The following PHLDB2 variants were observed in gnomAD, a reference collection of about 807,000 sequenced individuals.
PHLDB2 encodes the protein pleckstrin homology-like domain family B member 2.
PHLDB2 carries 71 observed loss-of-function variants against 123.6 expected under a neutral mutation model. The ratio of observed to expected loss-of-function variants is 0.57; its 90% CI spans 0.47 to 0.70. The LOEUF is 0.70. Ranked by LOEUF, PHLDB2 falls within the 30% of genes least tolerant of loss-of-function variation. PHLDB2 has a pLI of 0.00. For synonymous variants in PHLDB2, 547 were observed against 541.6 expected (o/e 1.01, Z -0.14); for missense variants, 1,446 against 1,519.5 (o/e 0.95, Z 0.80).
At chr3:111,962,361 G>T (rs2071454880) in intron 13 of PHLDB2, 49 bp downstream of exon 13, 2 of 1,549,972 alleles carry the variant, frequency 1.3e-6, no homozygotes, top group Non-Finnish European at 1.7e-6. Context: ...AGAGCCTACT[G>T]CTCACAAAAA....
chr3:111,772,268 G>A (rs1208374527), intron 1 of PHLDB2, among the ~76,000 whole-genome samples: 1 of 152,058 alleles, frequency 6.6e-6, no homozygotes, highest in Non-Finnish European at 1.5e-5. Flanking sequence ...ATTTTCCAAT[G>A]TGCCCTTGGA....
At chr3:111,768,945 T>C (rs2060128304) in intron 1 of PHLDB2, among the ~76,000 whole-genome samples, 1 of 152,202 alleles carries the variant, frequency 6.6e-6, no homozygotes, top group Admixed American at 6.5e-5. Context: ...AGCCCACTGG[T>C]TGCCAATGAG....
intron 13 of PHLDB2, 43 bp downstream of exon 13, chr3:111,962,355 C>G: frequency 6.4e-7 from 1 of 1,556,824 alleles, no homozygotes; most frequent in South Asian, 1.2e-5. Flanking sequence ...TGGAAAAGAG[C>G]CTACTGCTCA....
chr3:111,793,743 G>A (rs12491977), intron 1 of PHLDB2, among the ~76,000 whole-genome samples: 15,766 of 151,440 alleles, frequency 0.1, 1,470 homozygotes, highest in East Asian at 0.4. Flanking sequence ...GAATCCTTCC[G>A]GAACTGGATT....
chr3:111,860,361 C>T (rs939979507), intron 1 of PHLDB2, among the ~76,000 whole-genome samples: 1 of 152,324 alleles, frequency 6.6e-6, no homozygotes, highest in South Asian at 2.1e-4. Context: ...TTTGACCCCC[C>T]ACTGAAAGTT....
intron 1 of PHLDB2, among the ~76,000 whole-genome samples, chr3:111,792,010 T>C (rs568751699): frequency 3.9e-5 from 6 of 152,354 alleles, no homozygotes; most frequent in Admixed American, 2.0e-4. Context: ...CTGGTAACCA[T>C]CATTCTCCTC....
intron 1 of PHLDB2, among the ~76,000 whole-genome samples, chr3:111,737,000 C>G (rs2059518800): frequency 6.6e-6 from 1 of 152,200 alleles, no homozygotes; most frequent in African/African-American, 2.4e-5. Flanking sequence ...CTCTCTAACC[C>G]TGTAATCAGA....
chr3:111,848,979 A>G (rs1293467374), intron 2 of PHLDB2, among the ~76,000 whole-genome samples: 1 of 152,234 alleles, frequency 6.6e-6, no homozygotes, highest in Admixed American at 6.5e-5. Context: ...TGATGTTTGC[A>G]TAATGACAAA....
intron 1 of PHLDB2, among the ~76,000 whole-genome samples, chr3:111,813,376 T>C (rs2061932985): frequency 6.6e-6 from 1 of 152,186 alleles, no homozygotes; most frequent in African/African-American, 2.4e-5. Flanking sequence ...AGGATATTTT[T>C]AGTATATTTA....
chr3:111,922,496 A>T (rs865786504), intron 5 of PHLDB2, among the ~76,000 whole-genome samples: 1 of 152,202 alleles, frequency 6.6e-6, no homozygotes, highest in South Asian at 2.1e-4. Context: ...GGCTTGACGC[A>T]TAGGACCAGC....
chr3:111,966,969 T>G (rs1424308158), intron 14 of PHLDB2, among the ~76,000 whole-genome samples: 5 of 151,656 alleles, frequency 3.3e-5, no homozygotes, highest in African/African-American at 9.7e-5. Context: ...TTGTGTGTGT[T>G]TTTTTTTTGT....
chr3:111,957,597 T>G (rs930710296), intron 12 of PHLDB2: 1 of 152,244 alleles, frequency 6.6e-6, no homozygotes, highest in Non-Finnish European at 1.5e-5. Context: ...ATGAGCTAAG[T>G]GTAAACCATG....
chr3:111,945,208 A>G (rs1468065942), intron 8 of PHLDB2, 60 bp from the exon 9 acceptor site: 10 of 1,113,534 alleles, frequency 9.0e-6, no homozygotes, highest in South Asian at 2.6e-5. Context: ...CAAAGTCACC[A>G]TGCTTCTCAG....
chr3:111,792,663 C>T (rs1248589837), intron 1 of PHLDB2, among the ~76,000 whole-genome samples: 1 of 152,028 alleles, frequency 6.6e-6, no homozygotes, highest in Non-Finnish European at 1.5e-5. Flanking sequence ...GCCCTGATCA[C>T]GCCACTACAC....
At chr3:111,805,915 ACT>A in intron 1 of PHLDB2, among the ~76,000 whole-genome samples, 1 of 150,562 alleles carries the variant, frequency 6.6e-6, no homozygotes, top group Admixed American at 6.7e-5. Flanking sequence ...GTCACAGAAG[ACT>A]ACATTTTGTA....
rs1307961378 is a variant in PHLDB2 at position 111,834,158 on chromosome 3, TTA to T, written c.-48-11657_-48-11656del. Among the ~76,000 whole-genome samples, 602 of 63,254 alleles carry T rather than the reference TTA, an allele frequency of 9.5e-3. 26 individuals carry two copies. The highest frequency in any genetic ancestry group is 0.032 in the African/African-American group (552 of 17,342). The allele number at this position is 63,254 out of a possible 152,430, so 41.5% of individuals were successfully genotyped here. A position where few individuals can be genotyped will look rare whatever the true frequency, so the allele number is the denominator to read the frequency against. Reference sequence around the variant, plus strand: ...ATTATATGTAATAGAATTATATATATTATATATGTAATAGAATTATATATATT... The same window carrying T: ...ATTATATGTAATAGAATTATATATATTATATGTAATAGAATTATATATATT... On this transcript the variant is annotated intron_variant, in intron 1 of 17. Transcript: ENST00000393923.
intron 2 of PHLDB2, among the ~76,000 whole-genome samples, chr3:111,905,132 C>A (rs1454232984): frequency 6.6e-6 from 1 of 152,110 alleles, no homozygotes. Flanking sequence ...CCACCCCCCA[C>A]AAAGTCATGA....
intron 1 of PHLDB2, among the ~76,000 whole-genome samples, chr3:111,758,590 G>T (rs2059941496): frequency 6.6e-6 from 1 of 152,154 alleles, no homozygotes; most frequent in Admixed American, 6.5e-5. Flanking sequence ...GCTTCAGCTG[G>T]TGCAGTGTGC....
At chr3:111,973,707 A>G in intron 16 of PHLDB2, 25 bp from the exon 17 acceptor site, 1 of 1,389,124 alleles carries the variant, frequency 7.2e-7, no homozygotes, top group Non-Finnish European at 1.0e-6. Context: ...GCGATAAAGT[A>G]TTTAACACTT....
Sources: allele counts gnomAD v4.1 joint callset (sites outside exome capture counted in the v4.1 genomes callset), GRCh38; gene constraint gnomAD v4.1.1; transcripts MANE v1.5; gene names NCBI Gene and HGNC (gene_info 2026-07-23, HGNC 2026-07-21).